Variants in UBTD2 observed in about 807,000 individuals in gnomAD.
UBTD2 encodes ubiquitin domain containing 2.
In UBTD2, 9 loss-of-function variants were observed where a neutral mutation model predicts 19.8. The ratio of observed to expected loss-of-function variants is 0.46; its 90% CI spans 0.27 to 0.79. The LOEUF (loss-of-function observed/expected upper bound fraction) is 0.79. UBTD2 is among the 30% of genes least tolerant of loss of function. The probability of loss-of-function intolerance (pLI) is 0.14; values close to 1 mark genes in which losing one functional copy is unlikely to be tolerated. For missense variants in UBTD2, 250 were observed against 300.4 expected (o/e 0.83, Z 1.24); for synonymous variants, 98 against 103.9 (o/e 0.94, Z 0.35).
chr5:172,254,859 C>T (rs989655811), intron 1 of UBTD2: 2 of 523,218 alleles, frequency 3.8e-6, no homozygotes, highest in South Asian at 4.4e-5. Context: ...GATTCAATTA[C>T]AGGTACTTGC....
At chr5:172,267,253 G>A (rs1755396250) in intron 1 of UBTD2, among the ~76,000 whole-genome samples, 1 of 152,178 alleles carries the variant, frequency 6.6e-6, no homozygotes, top group Non-Finnish European at 1.5e-5. Flanking sequence ...ACCATCATGA[G>A]ACATGTTAGC....
intron 2 of UBTD2, among the ~76,000 whole-genome samples, chr5:172,223,746 GA>G (rs1771702026): frequency 6.6e-6 from 1 of 151,990 alleles, no homozygotes; most frequent in African/African-American, 2.4e-5. Context: ...AAATGAAGTA[GA>G]AAAAAGTAAC....
chr5:172,267,922 C>G (rs1755408287), intron 1 of UBTD2, among the ~76,000 whole-genome samples: 1 of 152,196 alleles, frequency 6.6e-6, no homozygotes, highest in African/African-American at 2.4e-5. Context: ...CTCAAGGGTT[C>G]TTCTGACTCC....
intron 1 of UBTD2, among the ~76,000 whole-genome samples, chr5:172,256,590 C>A (rs1755158370): frequency 6.7e-6 from 1 of 149,072 alleles, no homozygotes; most frequent in African/African-American, 2.5e-5. Flanking sequence ...CTGGTAAATA[C>A]ACTTTTTGAT....
chr5:172,268,162 T>A (rs1243262420), intron 1 of UBTD2, among the ~76,000 whole-genome samples: 2 of 152,096 alleles, frequency 1.3e-5, no homozygotes, highest in Admixed American at 1.3e-4. Flanking sequence ...AAAATAGCCA[T>A]GATAGAAGTT....
chr5:172,225,249 AT>A (rs925732033), intron 2 of UBTD2, among the ~76,000 whole-genome samples: 2 of 152,148 alleles, frequency 1.3e-5, no homozygotes, highest in African/African-American at 4.8e-5. Flanking sequence ...TTCTGTTCTG[AT>A]TTCATACATA....
At chr5:172,264,449 G>C (rs1755331895) in intron 1 of UBTD2, among the ~76,000 whole-genome samples, 1 of 151,500 alleles carries the variant, frequency 6.6e-6, no homozygotes, top group Non-Finnish European at 1.5e-5. Context: ...GCTGAGACAG[G>C]AGAATCACTT....
chr5:172,256,221 C>T (rs1714093294), intron 1 of UBTD2, among the ~76,000 whole-genome samples: 1 of 152,180 alleles, frequency 6.6e-6, no homozygotes. Flanking sequence ...AGTAAAGCCA[C>T]TCTATTAAGT....
chr5:172,256,623 A>G (rs1000158422), intron 1 of UBTD2, among the ~76,000 whole-genome samples: 1 of 151,516 alleles, frequency 6.6e-6, no homozygotes, highest in African/African-American at 2.4e-5. Flanking sequence ...TTTTTTCACA[A>G]AAAGTTTCTA....
At chr5:172,264,169 G>C (rs1236184215) in intron 1 of UBTD2, among the ~76,000 whole-genome samples, 1 of 151,974 alleles carries the variant, frequency 6.6e-6, no homozygotes, top group African/African-American at 2.4e-5. Flanking sequence ...GCCTCGACAA[G>C]TATTCTAAAA....
At chr5:172,221,955 G>C (rs977084617) in intron 2 of UBTD2, among the ~76,000 whole-genome samples, 1 of 152,202 alleles carries the variant, frequency 6.6e-6, no homozygotes, top group East Asian at 1.9e-4. Context: ...GTGGGAGCAG[G>C]GGGTATATGG....
chr5:172,262,610 G>C (rs966864111), intron 1 of UBTD2, among the ~76,000 whole-genome samples: 1 of 151,866 alleles, frequency 6.6e-6, no homozygotes, highest in South Asian at 2.1e-4. Flanking sequence ...CCAGGAGTTC[G>C]AGACCAGCCT....
intron 1 of UBTD2, among the ~76,000 whole-genome samples, chr5:172,261,843 C>T (rs1036045793): frequency 2.0e-5 from 3 of 152,112 alleles, no homozygotes; most frequent in East Asian, 1.9e-4. Flanking sequence ...AGGCTGGTCT[C>T]GAACTCCTGG....
intron 1 of UBTD2, among the ~76,000 whole-genome samples, chr5:172,263,849 C>CTGTGTGTGTGTGTGTGTGTGTGTGTG (rs1234224827): frequency 3.5e-4 from 12 of 34,148 alleles, no homozygotes; most frequent in South Asian, 4.3e-3. Flanking sequence ...ATGCACGTGC[C>CTGTGTGTGTGTGTGTGTGTGTGTGTG]TCTGTGTGTG....
chr5:172,236,354 A>G (rs112775793), intron 1 of UBTD2, among the ~76,000 whole-genome samples: 180 of 152,352 alleles, frequency 1.2e-3, no homozygotes, highest in Non-Finnish European at 1.7e-3. Flanking sequence ...TAATCAACAA[A>G]TATGTACTGA....
chr5:172,213,216 C>T (rs894724481), intron 2 of UBTD2, among the ~76,000 whole-genome samples: 2 of 152,012 alleles, frequency 1.3e-5, no homozygotes, highest in Non-Finnish European at 2.9e-5. Flanking sequence ...GTCTCAAACT[C>T]GTGACCTCAA....
At position 172,242,295 on chromosome 5, in the gene UBTD2, G is replaced by A. The variant is rs189500319; in HGVS notation, c.71-7937C>T. 1.4e-5 allele frequency: 10 copies of A among 740,258 alleles called. No homozygotes were observed. The Admixed American group carries it at 2.5e-4, about 19-fold the overall frequency. 45.9% of individuals were successfully genotyped at this position (740,258 alleles called of 1,614,324 possible). A position where few individuals can be genotyped will look rare whatever the true frequency, so the allele number is the denominator to read the frequency against. Reference sequence around the variant, plus strand: ...AGTCAGATTAACACACTATAATATCGTTGTCATACCTAAGAAAATTTTTTA... The same window carrying A: ...AGTCAGATTAACACACTATAATATCATTGTCATACCTAAGAAAATTTTTTA... On this transcript the variant is annotated intron_variant, in intron 1 of 2. Transcript: ENST00000393792.
At chr5:172,246,962 G>C (rs1481073737) in intron 1 of UBTD2, among the ~76,000 whole-genome samples, 1 of 150,904 alleles carries the variant, frequency 6.6e-6, no homozygotes, top group Non-Finnish European at 1.5e-5. Context: ...CACCATGTTG[G>C]TCCGGCTGGT....
At chr5:172,231,162 A>C (rs1771887299) in intron 2 of UBTD2, among the ~76,000 whole-genome samples, 1 of 152,232 alleles carries the variant, frequency 6.6e-6, no homozygotes, top group African/African-American at 2.4e-5. Flanking sequence ...GTCTAGGTAA[A>C]AGCATACAAT....
Sources: gnomAD v4.1 joint callset for allele counts (sites outside exome capture counted in the v4.1 genomes callset) on GRCh38, gnomAD v4.1.1 for gene constraint, MANE v1.5 for transcripts, NCBI Gene and HGNC (gene_info 2026-07-23, HGNC 2026-07-21) for gene names.